The following PKIA variants were observed in gnomAD, a reference collection of about 807,000 sequenced individuals.
PKIA encodes the protein cAMP-dependent protein kinase inhibitor alpha, also known as PKI-alpha.
Under a neutral mutation model 7.6 loss-of-function variants are expected in PKIA, and 4 were observed. The ratio of observed to expected loss-of-function variants is 0.52; its 90% CI spans 0.26 to 1.20. The LOEUF (loss-of-function observed/expected upper bound fraction) is 1.20. PKIA is among the 50% of genes most tolerant of loss of function. The pLI is 0.13. For synonymous variants in PKIA, 21 were observed against 30.7 expected (o/e 0.68, Z 1.04); for missense variants, 73 against 86.2 (o/e 0.85, Z 0.61).
intron 3 of PKIA, among the ~76,000 whole-genome samples, chr8:78,600,759 C>G (rs1227091137): frequency 1.3e-5 from 2 of 151,734 alleles, no homozygotes; most frequent in African/African-American, 4.8e-5. Flanking sequence ...TTTTAATTTC[C>G]CTAAAGATTT....
chr8:78,555,728 A>G (rs1000459727), intron 1 of PKIA, among the ~76,000 whole-genome samples: 7 of 151,958 alleles, frequency 4.6e-5, no homozygotes, highest in African/African-American at 1.7e-4. Flanking sequence ...AAGGAAAGTG[A>G]GTGTCAATGT....
intron 2 of PKIA, among the ~76,000 whole-genome samples, chr8:78,576,548 C>A (rs891637188): frequency 2.6e-5 from 4 of 151,854 alleles, no homozygotes; most frequent in Non-Finnish European, 5.9e-5. Flanking sequence ...AACGTTGTAT[C>A]CATTAGCCAC....
intron 2 of PKIA, among the ~76,000 whole-genome samples, chr8:78,595,463 G>A (rs995831925): frequency 1.3e-5 from 2 of 152,188 alleles, no homozygotes; most frequent in Non-Finnish European, 2.9e-5. Flanking sequence ...TTAGGTTCAA[G>A]GGGTACATAT....
chr8:78,554,075 C>CTTTGATATATATATATAT (rs1807062606), intron 1 of PKIA, among the ~76,000 whole-genome samples: 1 of 151,974 alleles, frequency 6.6e-6, no homozygotes, highest in Non-Finnish European at 1.5e-5. Context: ...ATGTAGAGTG[C>CTTTGATATATATATATAT]ATTTATAAAG....
Position 78,604,544 on chromosome 8 carries a change from G to A in PKIA, c.*2723G>A, listed in dbSNP as rs1348700591. The A allele has an allele frequency of 6.6e-6, 1 of 151,764 alleles. No individual in the cohort carries two copies. The highest frequency in any genetic ancestry group is 2.4e-5 in the African/African-American group (1 of 41,288). 9.4% of individuals were successfully genotyped at this position (151,764 alleles called of 1,614,324 possible). The stretch of plus-strand genomic sequence containing the variant: ...TTGCCGTTCTCAAGGCTCCCTGGAT[G>A]GGTAATAACACAGATATGAGTAGGT... On this transcript the variant is annotated 3_prime_UTR_variant, in exon 4 of 4. Coordinates refer to ENST00000396418, the MANE Select transcript of PKIA (RefSeq NM_006823.4).
chr8:78,549,623 T>A (rs371568390), intron 1 of PKIA, among the ~76,000 whole-genome samples: 5 of 151,960 alleles, frequency 3.3e-5, no homozygotes. Context: ...CCTATAAGCT[T>A]CACTGAAAAT....
intron 1 of PKIA, among the ~76,000 whole-genome samples, chr8:78,568,174 T>C (rs1458090460): frequency 6.6e-6 from 1 of 152,204 alleles, no homozygotes; most frequent in Admixed American, 6.5e-5. Flanking sequence ...TCTATAATTT[T>C]TTATGTATGT....
At chr8:78,520,969 A>G (rs1240979996) in intron 1 of PKIA, among the ~76,000 whole-genome samples, 1 of 152,120 alleles carries the variant, frequency 6.6e-6, no homozygotes, top group Non-Finnish European at 1.5e-5. Context: ...ACCAACACTG[A>G]CATGAAGACA....
At chr8:78,526,934 TTC>T (rs1346911441) in intron 1 of PKIA, among the ~76,000 whole-genome samples, 3 of 152,028 alleles carry the variant, frequency 2.0e-5, no homozygotes, top group Admixed American at 6.6e-5. Context: ...TTATATGGAT[TTC>T]TGTTATTGAT....
chr8:78,522,723 G>C (rs1277612719), intron 1 of PKIA, among the ~76,000 whole-genome samples: 1 of 151,846 alleles, frequency 6.6e-6, no homozygotes, highest in East Asian at 1.9e-4. Context: ...TAACAATGTG[G>C]AATAGTAGAA....
rs930673469 is a variant in PKIA, at chr8:78,566,278, A to G, written c.-156-6533A>G. ...AGATACAAAGTTGAGCTACAAATTC[A>G]TAGTCTAATTTATGAAACATGTCTT... On this transcript the variant is annotated intron_variant, in intron 1 of 3. Transcript: ENST00000396418. Among the ~76,000 whole-genome samples, 13 of 152,130 alleles carry G rather than the reference A, an allele frequency of 8.5e-5. 1 individual carries two copies. Among genetic ancestry groups the G allele is most frequent in the Admixed American group, 7.2e-4 (11 of 15,256 alleles).
intron 2 of PKIA, among the ~76,000 whole-genome samples, chr8:78,587,701 G>A (rs991415767): frequency 2.6e-5 from 4 of 152,098 alleles, no homozygotes; most frequent in Non-Finnish European, 1.5e-5. Flanking sequence ...GTGAAAATAG[G>A]TTAGATTACT....
At chr8:78,520,308 G>A (rs139061506) in intron 1 of PKIA, among the ~76,000 whole-genome samples, 109 of 152,176 alleles carry the variant, frequency 7.2e-4, no homozygotes, top group African/African-American at 2.3e-3. Flanking sequence ...AAGGTATTAT[G>A]AGCTTAAATG....
intron 1 of PKIA, among the ~76,000 whole-genome samples, chr8:78,520,171 T>C (rs1809389899): frequency 6.6e-6 from 1 of 152,222 alleles, no homozygotes; most frequent in South Asian, 2.1e-4. Context: ...TAAATCTATC[T>C]ACCTACACTC....
chr8:78,586,382 G>A (rs1807949496), intron 2 of PKIA, among the ~76,000 whole-genome samples: 1 of 151,926 alleles, frequency 6.6e-6, no homozygotes, highest in African/African-American at 2.4e-5. Context: ...AAAATATTTT[G>A]GAAGCTTTTT....
At chr8:78,552,646 T>C (rs17411123) in intron 1 of PKIA, among the ~76,000 whole-genome samples, 1,717 of 152,118 alleles carry the variant, frequency 0.011, 13 homozygotes, top group South Asian at 0.02. Flanking sequence ...TGAAACATAA[T>C]TGAGCCTTAA....
intron 2 of PKIA, among the ~76,000 whole-genome samples, chr8:78,593,343 G>A (rs777732742): frequency 1.2e-4 from 18 of 152,062 alleles, no homozygotes; most frequent in Admixed American, 6.6e-4. Flanking sequence ...GGGTGGTTTC[G>A]AACTCCTGAC....
Position 78,601,910 on chromosome 8 carries a change from G to A in PKIA, c.*89G>A. The A allele has an allele frequency of 9.7e-7, 1 of 1,027,306 alleles. No individual in the cohort carries two copies. The highest frequency in any genetic ancestry group is 1.5e-6 in the Non-Finnish European group (1 of 672,210). The allele number at this position is 1,027,306 out of a possible 1,614,324, so 63.6% of individuals were successfully genotyped here. ...CATTTGTTTCCATGAGTGAAAAGAG[G>A]AAAAAGAAAATGGCTGTGCTGCATT... On this transcript the variant is annotated 3_prime_UTR_variant, in exon 4 of 4. Transcript: ENST00000396418.
intron 1 of PKIA, among the ~76,000 whole-genome samples, chr8:78,553,336 C>T (rs563761839): frequency 5.9e-5 from 9 of 152,088 alleles, no homozygotes; most frequent in African/African-American, 2.2e-4. Flanking sequence ...GATCCTAGTC[C>T]TATTTCTGGC....
Sources: allele counts gnomAD v4.1 joint callset (sites outside exome capture counted in the v4.1 genomes callset), GRCh38; gene constraint gnomAD v4.1.1; transcripts MANE v1.5; gene names NCBI Gene and HGNC (gene_info 2026-07-23, HGNC 2026-07-21).